Variants in KCNQ1 observed in about 807,000 individuals in gnomAD.
The protein encoded by KCNQ1 is potassium voltage-gated channel subfamily KQT member 1.
Under a neutral mutation model 72.4 loss-of-function variants are expected in KCNQ1, and 49 were observed. The ratio of observed to expected loss-of-function variants is 0.68; its 90% CI spans 0.54 to 0.86. The LOEUF (loss-of-function observed/expected upper bound fraction) is 0.86. Ranked by LOEUF, KCNQ1 falls within the 40% of genes least tolerant of loss-of-function variation. The pLI is 0.00. For synonymous variants in KCNQ1, 450 were observed against 412.6 expected (o/e 1.09, Z -1.10); for missense variants, 790 against 945.1 (o/e 0.84, Z 2.15).
At chr11:2,619,397 A>G (rs1005749134) in intron 10 of KCNQ1, 12 of 398,454 alleles carry the variant, frequency 3.0e-5, no homozygotes, top group African/African-American at 4.1e-5. Flanking sequence ...GTTCAACTTC[A>G]TCAAATACTT....
chr11:2,676,345 C>T lies in KCNQ1; in HGVS notation c.1514+14264C>T. 2.5e-6 allele frequency: 1 copy of T among 398,596 alleles called. No homozygotes were observed. Among genetic ancestry groups the T allele is most frequent in the Non-Finnish European group, 4.4e-6 (1 of 226,074 alleles). 24.7% of individuals were successfully genotyped at this position (398,596 alleles called of 1,614,324 possible). A position where few individuals can be genotyped will look rare whatever the true frequency, so the allele number is the denominator to read the frequency against. On this transcript the variant is annotated intron_variant, in intron 11 of 15. Transcript: ENST00000155840. This position sits in a 1 kb window ranked among gnomAD's most constrained non-coding sequence, Gnocchi z 4.2. ...AACAGTGTAGTTGAAGTGCTGTTTT[C>T]TCATGGTTGGGCTTCCAGTATAATT... is the stretch of plus-strand genomic sequence containing the variant.
At position 2,661,828 on chromosome 11, in the gene KCNQ1, T is replaced by C; in HGVS notation, c.1394-133T>C. The stretch of plus-strand genomic sequence containing the variant: ...CCACCCCAACACCCAACTATAAAAC[T>C]GATTGTCAGGGCTGGAGCTTCCAGG... On this transcript the variant is annotated intron_variant, in intron 10 of 15. Transcript: ENST00000155840. The surrounding 1 kb of genome is among the most constrained non-coding windows in gnomAD (Gnocchi z 5.9). 9.3e-7 allele frequency: 1 copy of C among 1,079,272 alleles called. No individual in the cohort carries two copies. The highest frequency in any genetic ancestry group is 1.4e-6 in the Non-Finnish European group (1 of 711,908). The allele number at this position is 1,079,272 out of a possible 1,614,324, so 66.9% of individuals were successfully genotyped here. A position where few individuals can be genotyped will look rare whatever the true frequency, so the allele number is the denominator to read the frequency against.
At chr11:2,585,552 C>T (rs1229640587) in intron 8 of KCNQ1, among the ~76,000 whole-genome samples, 20 of 152,226 alleles carry the variant, frequency 1.3e-4, no homozygotes, top group Admixed American at 1.2e-3. Context: ...AGAGGAGGCA[C>T]GGCCGTGGCC....
At chr11:2,847,536 C>T (rs185305446) in intron 15 of KCNQ1, among the ~76,000 whole-genome samples, 11 of 152,340 alleles carry the variant, frequency 7.2e-5, no homozygotes, top group African/African-American at 1.4e-4. Context: ...ACTCCCAGCA[C>T]GCACGGGATG....
intron 12 of KCNQ1, among the ~76,000 whole-genome samples, chr11:2,773,206 G>A (rs960561978): frequency 6.6e-6 from 1 of 152,250 alleles, no homozygotes; most frequent in Middle Eastern, 3.4e-3. Context: ...CAGAAAGGAA[G>A]ATCAAGGCTC....
At chr11:2,742,071 G>A (rs1375954771) in intron 11 of KCNQ1, among the ~76,000 whole-genome samples, 1 of 152,256 alleles carries the variant, frequency 6.6e-6, no homozygotes, top group African/African-American at 2.4e-5. Flanking sequence ...GCTGCGACAT[G>A]GTTAGGTTTT....
chr11:2,775,051 C>T (rs905393350), intron 12 of KCNQ1, among the ~76,000 whole-genome samples: 3 of 152,248 alleles, frequency 2.0e-5, no homozygotes, highest in Admixed American at 6.5e-5. Context: ...GATGACTACC[C>T]TGGGCCTCAC....
chr11:2,625,578 C>CTT, intron 10 of KCNQ1: 2 of 347,444 alleles, frequency 5.8e-6, no homozygotes, highest in East Asian at 4.0e-5. Context: ...GTCCTTTGCC[C>CTT]TTTTTTTTTT....
intron 11 of KCNQ1, chr11:2,667,496 G>C (rs757653527): frequency 6.4e-6 from 2 of 311,174 alleles, no homozygotes; most frequent in African/African-American, 2.2e-5. Context: ...GAACATTCAC[G>C]CCACAGAGGT....
chr11:2,808,007 G>A lies in KCNQ1; in HGVS notation c.1794+29970G>A, dbSNP rs1000368583. Among the ~76,000 whole-genome samples the A allele has an allele frequency of 2.0e-5, 3 of 152,322 alleles. No homozygotes were observed. The highest frequency in any genetic ancestry group is 1.9e-4 in the East Asian group (1 of 5,174). Reference sequence around the variant, plus strand: ...GACAGGAACGGTCTCTCTGGGGGCAGGGCCGGTGGTACCTGGAGCCCTCCC... The same window carrying A: ...GACAGGAACGGTCTCTCTGGGGGCAAGGCCGGTGGTACCTGGAGCCCTCCC... On this transcript the variant is annotated intron_variant, in intron 15 of 15. Transcript: ENST00000155840. This position sits in a 1 kb window ranked among gnomAD's most constrained non-coding sequence, Gnocchi z 6.0.
At position 2,722,864 on chromosome 11, in the gene KCNQ1, C is replaced by G. The variant is rs149281141; in HGVS notation, c.1515-45980C>G. On this transcript the variant is annotated intron_variant, in intron 11 of 15. Coordinates refer to ENST00000155840, the MANE Select transcript of KCNQ1 (RefSeq NM_000218.3). ...CCCTGTGAGGCAGTATCTGAGCCAC[C>G]CTTCTGAGTGGGAGCTATGGCAAGT... Among the ~76,000 whole-genome samples, 1,039 of 152,246 alleles carry G rather than the reference C, an allele frequency of 6.8e-3. 8 individuals carry two copies. The highest frequency in any genetic ancestry group is 0.024 in the African/African-American group (978 of 41,534).
At chr11:2,643,285 G>C in intron 10 of KCNQ1, 1 of 398,356 alleles carries the variant, frequency 2.5e-6, no homozygotes. Context: ...TTATTGTGTT[G>C]AAGTCTACCT....
In KCNQ1 at chr11:2,671,870, G is replaced by A. The variant is rs1024819992; in HGVS notation, c.1514+9789G>A. 2.0e-5 allele frequency: 8 copies of A among 398,698 alleles called. No homozygotes were observed. In the South Asian group the frequency reaches 1.0e-3, roughly 51 times the overall value. 24.7% of individuals were successfully genotyped at this position (398,698 alleles called of 1,614,324 possible). ...TTCTGCCCCAGGGAGCCAAGCCCTGGAGAGGAGGTGGGCAGCACCAGGCAG... is the reference window on the plus strand; with the variant it reads ...TTCTGCCCCAGGGAGCCAAGCCCTGAAGAGGAGGTGGGCAGCACCAGGCAG... On this transcript the variant is annotated intron_variant, in intron 11 of 15. Coordinates refer to ENST00000155840, the MANE Select transcript of KCNQ1 (RefSeq NM_000218.3). The surrounding 1 kb of genome is among the most constrained non-coding windows in gnomAD (Gnocchi z 4.7).
At chr11:2,702,973 T>C (rs1203737487) in intron 11 of KCNQ1, among the ~76,000 whole-genome samples, 2 of 151,788 alleles carry the variant, frequency 1.3e-5, no homozygotes, top group Non-Finnish European at 2.9e-5. Flanking sequence ...CTCTAGTCCT[T>C]TGGGGGAAGA....
rs1205737683 is a variant in KCNQ1, at chr11:2,724,502, C to T, written c.1515-44342C>T. Among the ~76,000 whole-genome samples, 3 of 152,170 alleles carry T rather than the reference C, an allele frequency of 2.0e-5. No homozygotes were observed. The highest frequency in any genetic ancestry group is 2.9e-5 in the Non-Finnish European group (2 of 68,024). The stretch of plus-strand genomic sequence containing the variant: ...AAGAGAGAGAAGTGGTGGGTGGCAG[C>T]GAGCAGGCTGTCCTGCAAGGCCGTG... On this transcript the variant is annotated intron_variant, in intron 11 of 15. Transcript: ENST00000155840. The surrounding 1 kb of genome is among the most constrained non-coding windows in gnomAD (Gnocchi z 6.8).
In KCNQ1 at chr11:2,626,153, G is replaced by A; in HGVS notation, c.1394-35808G>A. 2.5e-6 allele frequency: 1 copy of A among 397,420 alleles called. No homozygotes were observed. The highest frequency in any genetic ancestry group is 4.4e-6 in the Non-Finnish European group (1 of 226,044). 24.6% of individuals were successfully genotyped at this position (397,420 alleles called of 1,614,324 possible). A position where few individuals can be genotyped will look rare whatever the true frequency, so the allele number is the denominator to read the frequency against. On this transcript the variant is annotated intron_variant, in intron 10 of 15. Transcript: ENST00000155840. This position sits in a 1 kb window ranked among gnomAD's most constrained non-coding sequence, Gnocchi z 4.0. ...CAAGAAGCACTGCCAATGATGTAAA[G>A]TTTTTCCCCTATGTTTCCTTATAAG... is the stretch of plus-strand genomic sequence containing the variant.
chr11:2,673,645 G>C lies in KCNQ1; in HGVS notation c.1514+11564G>C, dbSNP rs1043624372. 2.5e-6 allele frequency: 1 copy of C among 398,626 alleles called. No individual in the cohort carries two copies. The highest frequency in any genetic ancestry group is 2.1e-5 in the African/African-American group (1 of 48,636). 24.7% of individuals were successfully genotyped at this position (398,626 alleles called of 1,614,324 possible). ...CCTTGCTACTGCTGATGACCACCCT[G>C]ACTCATGTCCCTTGTCTGCATAGGT... On this transcript the variant is annotated intron_variant, in intron 11 of 15. Transcript: ENST00000155840. The surrounding 1 kb of genome is among the most constrained non-coding windows in gnomAD (Gnocchi z 4.5).
chr11:2,571,233 C>A, intron 3 of KCNQ1, 92 bp from the exon 4 acceptor site: 3 of 1,063,744 alleles, frequency 2.8e-6, no homozygotes, highest in Non-Finnish European at 4.4e-6. Flanking sequence ...GACCAGCAAG[C>A]CCCTTCCCCA....
At chr11:2,733,325 A>G (rs1428302948) in intron 11 of KCNQ1, among the ~76,000 whole-genome samples, 1 of 151,528 alleles carries the variant, frequency 6.6e-6, no homozygotes, top group African/African-American at 2.4e-5. Flanking sequence ...CACTCAACAC[A>G]GGGGCTCCCC....
Sources: allele counts gnomAD v4.1 joint callset (sites outside exome capture counted in the v4.1 genomes callset), GRCh38; gene constraint gnomAD v4.1.1; non-coding constraint Gnocchi (gnomAD v3.1); transcripts MANE v1.5; gene names NCBI Gene and HGNC (gene_info 2026-07-23, HGNC 2026-07-21).